CRB1: variants seen among roughly 807,000 people sequenced by gnomAD.
CRB1 encodes crumbs cell polarity complex component 1, also known as protein crumbs homolog 1.
CRB1 carries 83 observed loss-of-function variants against 120.0 expected under a neutral mutation model. The observed-to-expected ratio is 0.69, with a 90% confidence interval of 0.58 to 0.83. The LOEUF is 0.83. Among genes scored for constraint, CRB1 ranks in the 40% least tolerant of loss-of-function variants. CRB1 has a pLI of 0.00. For missense variants in CRB1, 1,699 were observed against 1,687.6 expected, an observed-to-expected ratio of 1.01 and a Z score of -0.12; for synonymous variants, 625 against 612.5, an observed-to-expected ratio of 1.02 and a Z score of -0.30.
Position 197,421,939 on chromosome 1 carries a change from G to A in CRB1, c.2111G>A (p.Gly704Asp), listed in dbSNP as rs1664353700. 1 of 1,613,834 alleles carries A rather than the reference G, an allele frequency of 6.2e-7. No individual in the cohort carries two copies. The highest frequency in any genetic ancestry group is 1.1e-5 in the South Asian group (1 of 91,076). The change falls in exon 6 of 12, where the codon GGC becomes GAC. Residue 704 changes from glycine (G) to aspartate (D), a missense_variant. By Grantham distance (94) the Gly-to-Asp change is moderately conservative. Coordinates refer to ENST00000367400, the MANE Select transcript of CRB1 (RefSeq NM_201253.3). ...TGTGACTGCCACAGGCCCTATGAAG[G>A]CCCCAACTGTCTGAGAGGTGAGAGA... is the stretch of plus-strand genomic sequence containing the variant. ...YQCDCHRPYE[G>D]PNCLREYVAG...
chr1:197,273,099 G>T (rs1208432006), intron 1 of CRB1, among the ~76,000 whole-genome samples: 1 of 152,076 alleles, frequency 6.6e-6, no homozygotes, highest in Non-Finnish European at 1.5e-5. Context: ...AGATATCACA[G>T]TACATTTTGC....
In CRB1 at chr1:197,421,256, CG is replaced by C. The variant is rs1553260321; in HGVS notation, c.1431del (p.Ser478ProfsTer24). On this transcript the variant is annotated frameshift_variant, in exon 6 of 12. Coordinates refer to ENST00000367400, the MANE Select transcript of CRB1 (RefSeq NM_201253.3). LOFTEE classifies it high-confidence loss of function. Reference sequence around the variant, plus strand: ...GCTGCCTATGTCCATCTGGCTACACCGGGTCCCTGTGTGAAATCGCAACCAC... The same window carrying C: ...GCTGCCTATGTCCATCTGGCTACACCGGTCCCTGTGTGAAATCGCAACCAC... ...FSCLCPSGYT[G>X]SLCEIATTLS... 1.9e-6 allele frequency: 3 copies of C among 1,614,138 alleles called. No homozygotes were observed. Among genetic ancestry groups the C allele is most frequent in the Non-Finnish European group, 2.5e-6 (3 of 1,179,996 alleles).
In CRB1 at chr1:197,435,140, C is replaced by G. The variant is rs1051901493; in HGVS notation, c.3277C>G (p.Leu1093Val). 6.2e-7 allele frequency: 1 copy of G among 1,613,896 alleles called. No individual in the cohort carries two copies. The change falls in exon 9 of 12, where the codon CTG becomes GTG. Residue 1093 changes from leucine to valine, a missense_variant. Coordinates refer to ENST00000367400, the MANE Select transcript of CRB1 (RefSeq NM_201253.3). ...GDRAIDNIKG[L>V]QGCLSTIEIG... ...CAGAGCTATTGACAATATAAAGGGC[C>G]TGCAAGGGTGTCTAAGTACAATAGA...
intron 5 of CRB1, among the ~76,000 whole-genome samples, chr1:197,408,034 A>G (rs1663505159): frequency 6.6e-6 from 1 of 152,222 alleles, no homozygotes; most frequent in Non-Finnish European, 1.5e-5. Context: ...ACTGTATTAT[A>G]TAATACCGTA....
At chr1:197,263,229 G>C (rs1654554091), upstream of CRB1, among the ~76,000 whole-genome samples, 1 of 152,110 alleles carries the variant, frequency 6.6e-6, no homozygotes, top group African/African-American at 2.4e-5. Context: ...TTTCTGACTG[G>C]TGTGAGATGG....
intron 5 of CRB1, among the ~76,000 whole-genome samples, chr1:197,376,984 C>A (rs78339498): frequency 0.046 from 7,068 of 152,094 alleles, 527 homozygotes; most frequent in African/African-American, 0.16. Flanking sequence ...AGGGGTTTTA[C>A]ATTTATTTTT....
At chr1:197,402,661 C>G (rs1242996298) in intron 5 of CRB1, among the ~76,000 whole-genome samples, 2 of 152,090 alleles carry the variant, frequency 1.3e-5, no homozygotes, top group Admixed American at 1.3e-4. Context: ...GTTCTCTAGT[C>G]CCTTTATCTC....
At chr1:197,355,548 G>A (rs1403238155) in intron 4 of CRB1, among the ~76,000 whole-genome samples, 1 of 152,188 alleles carries the variant, frequency 6.6e-6, no homozygotes. Context: ...CCTGAGGGGA[G>A]GCAGCTGAGG....
At chr1:197,385,203 C>G (rs1459170328) in intron 5 of CRB1, among the ~76,000 whole-genome samples, 1 of 152,094 alleles carries the variant, frequency 6.6e-6, no homozygotes, top group African/African-American at 2.4e-5. Flanking sequence ...GTTAATTAGT[C>G]GAATTAGTTG....
At chr1:197,226,100 G>T in the CRB1 span, among the ~76,000 whole-genome samples, 2 of 151,918 alleles carry the variant, frequency 1.3e-5, no homozygotes, top group East Asian at 1.9e-4. Flanking sequence ...GTGGAGATGG[G>T]GTTTCGCCAT....
chr1:197,252,582 A>ATATGTGTGTGTGTGTG, the CRB1 span, among the ~76,000 whole-genome samples: 6 of 15,504 alleles, frequency 3.9e-4, no homozygotes, highest in Non-Finnish European at 6.9e-4. Context: ...ATATATATAT[A>ATATGTGTGTGTGTGTG]TGTGTGTGTG....
chr1:197,260,445 TA>T, the CRB1 span, among the ~76,000 whole-genome samples: 2 of 151,920 alleles, frequency 1.3e-5, no homozygotes, highest in Non-Finnish European at 2.9e-5. Context: ...TTAATATATG[TA>T]TTTTAATTTT....
chr1:197,347,343 T>A lies in CRB1; in HGVS notation c.852T>A (p.Tyr284Ter), dbSNP rs1046799192. The change falls in exon 4 of 12, where the codon TAT becomes TAA. Residue 284 changes from tyrosine to a stop codon, truncating the protein, a stop_gained. Transcript: ENST00000367400. LOFTEE classifies it high-confidence loss of function. ...GAAAATTTCATTTACTTTCCAGATA[T>A]AGCTGTAACTGCACGGGTAGTGGAT... Reference protein sequence around the residue: ...GGLCVDGENRYSCNCTGSGFT... With the variant: ...GGLCVDGENR 1.9e-6 allele frequency: 3 copies of A among 1,613,614 alleles called. No individual in the cohort carries two copies. The African/African-American group carries it at 4.0e-5, about 22-fold the overall frequency.
intron 5 of CRB1, among the ~76,000 whole-genome samples, chr1:197,409,357 TG>T (rs1347815479): frequency 2.0e-5 from 3 of 152,118 alleles, no homozygotes; most frequent in Admixed American, 1.3e-4. Flanking sequence ...GTGGGAAAAA[TG>T]TTTTTTTTAA....
intron 5 of CRB1, among the ~76,000 whole-genome samples, chr1:197,375,130 G>A (rs559783272): frequency 6.6e-6 from 1 of 152,114 alleles, no homozygotes; most frequent in African/African-American, 2.4e-5. Flanking sequence ...TGCCATAACT[G>A]TTGGGTCTGA....
At chr1:197,388,276 G>T (rs1558100788) in intron 5 of CRB1, among the ~76,000 whole-genome samples, 2 of 151,960 alleles carry the variant, frequency 1.3e-5, no homozygotes, top group Non-Finnish European at 2.9e-5. Context: ...AATGGCAAAA[G>T]CACATTTTAA....
At chr1:197,221,480 CTCAGTGTT>C in the CRB1 span, among the ~76,000 whole-genome samples, 1 of 152,266 alleles carries the variant, frequency 6.6e-6, no homozygotes, top group Non-Finnish European at 1.5e-5. Flanking sequence ...GAGAGATGTG[CTCAGTGTT>C]TCAGTTCTTT....
chr1:197,386,428 C>T (rs1662221163), intron 5 of CRB1, among the ~76,000 whole-genome samples: 2 of 152,078 alleles, frequency 1.3e-5, no homozygotes, highest in Admixed American at 1.3e-4. Flanking sequence ...ATCTCTCAGT[C>T]AATTTAGATT....
rs904470150 is a variant in CRB1 at position 197,478,354 on chromosome 1, A to G, written c.*475A>G. ...GTTATTGTTGTATACCAGCGATGGG[A>G]TGTATACTTTTGTCCTTCATTCATG... is the stretch of plus-strand genomic sequence containing the variant. On this transcript the variant is annotated 3_prime_UTR_variant, in exon 12 of 12. Transcript: ENST00000367400. 3 of 188,146 alleles carry G rather than the reference A, an allele frequency of 1.6e-5. No individual in the cohort carries two copies. The highest frequency in any genetic ancestry group is 7.1e-5 in the African/African-American group (3 of 42,018). The allele number at this position is 188,146 out of a possible 1,614,324, so 11.7% of individuals were successfully genotyped here.
Sources: allele counts gnomAD v4.1 joint callset (sites outside exome capture counted in the v4.1 genomes callset), GRCh38; gene constraint gnomAD v4.1.1; transcripts MANE v1.5; gene names NCBI Gene and HGNC (gene_info 2026-07-23, HGNC 2026-07-21).